PEPD: variants seen among roughly 807,000 people sequenced by gnomAD.
The protein encoded by PEPD is peptidase D.
A neutral mutation model predicts 60.7 loss-of-function variants in PEPD; 53 were observed. The ratio of observed to expected loss-of-function variants is 0.87; its 90% CI spans 0.70 to 1.10. The LOEUF (loss-of-function observed/expected upper bound fraction) is 1.10. PEPD is among the 50% of genes least tolerant of loss of function. The pLI is 0.00. For missense variants in PEPD, 711 were observed against 711.9 expected, an observed-to-expected ratio of 1.00 and a Z score of 0.01; for synonymous variants, 267 against 284.1, an observed-to-expected ratio of 0.94 and a Z score of 0.60.
intron 9 of PEPD, among the ~76,000 whole-genome samples, chr19:33,460,203 CTT>C (rs1969900698): frequency 6.6e-6 from 1 of 152,202 alleles, no homozygotes; most frequent in African/African-American, 2.4e-5. Flanking sequence ...CTTTTCTTCT[CTT>C]TTCCACCCAC....
At position 33,391,462 on chromosome 19, in the gene PEPD, T is replaced by C. The variant is rs563348250; in HGVS notation, c.985A>G (p.Met329Val). 151 of 1,551,434 alleles carry C rather than the reference T, an allele frequency of 9.7e-5. No individual in the cohort carries two copies. The South Asian group carries it at 1.4e-3, about 14-fold the overall frequency. ...TGGATGCGGTCAGCCAGGCGGTGCA[T>C]GTCAGGCCACCAGACACCTGTGGGC... ...AMKPGVWWPD[M>V]HRLADRIHLE... The change falls in exon 13 of 15, where the codon ATG becomes GTG. Residue 329 changes from methionine to valine, a missense_variant. Coordinates refer to ENST00000244137, the MANE Select transcript of PEPD (RefSeq NM_000285.4).
At chr19:33,461,113 T>C (rs1302060465) in intron 9 of PEPD, among the ~76,000 whole-genome samples, 2 of 152,150 alleles carry the variant, frequency 1.3e-5, no homozygotes, top group Non-Finnish European at 2.9e-5. Flanking sequence ...GATATTGGCA[T>C]GGTGGTTATG....
chr19:33,463,922 C>A (rs1450347802), intron 8 of PEPD, 65 bp downstream of exon 8: 1 of 1,070,924 alleles, frequency 9.3e-7, no homozygotes. Context: ...TTCATCCTCA[C>A]GCAGTTCTCT....
chr19:33,395,902 C>T, intron 12 of PEPD, among the ~76,000 whole-genome samples: 1 of 152,166 alleles, frequency 6.6e-6, no homozygotes, highest in East Asian at 1.9e-4. Context: ...GGCTGAGGAC[C>T]TCCAGCTCAC....
At chr19:33,406,041 A>C (rs1968615729) in intron 11 of PEPD, among the ~76,000 whole-genome samples, 1 of 152,222 alleles carries the variant, frequency 6.6e-6, no homozygotes, top group Admixed American at 6.5e-5. Context: ...CCCGGGTCCC[A>C]GAAGAGCACT....
chr19:33,518,600 C>T (rs1479917928), intron 1 of PEPD, among the ~76,000 whole-genome samples: 2 of 152,156 alleles, frequency 1.3e-5, no homozygotes, highest in Non-Finnish European at 2.9e-5. Context: ...GTCCCCATTC[C>T]CCACCATGAC....
chr19:33,481,069 G>T (rs1368929818), intron 6 of PEPD, among the ~76,000 whole-genome samples: 1 of 152,044 alleles, frequency 6.6e-6, no homozygotes, highest in East Asian at 1.9e-4. Flanking sequence ...TGACAAATAT[G>T]TAGAAATTAA....
intron 9 of PEPD, among the ~76,000 whole-genome samples, chr19:33,420,423 C>T (rs1968987490): frequency 6.6e-6 from 1 of 152,138 alleles, no homozygotes; most frequent in East Asian, 1.9e-4. Flanking sequence ...TTAGCTGTGG[C>T]CGGGCGTGGT....
chr19:33,520,522 C>A (rs558479912), intron 1 of PEPD, among the ~76,000 whole-genome samples: 6 of 152,334 alleles, frequency 3.9e-5, no homozygotes, highest in Admixed American at 3.9e-4. Flanking sequence ...ATGACAGAGT[C>A]CCATGTGTCC....
At chr19:33,403,838 G>C (rs1968556422) in intron 11 of PEPD, among the ~76,000 whole-genome samples, 1 of 152,232 alleles carries the variant, frequency 6.6e-6, no homozygotes. Flanking sequence ...TCTCAGGCTG[G>C]GGGGAGGAGC....
intron 9 of PEPD, among the ~76,000 whole-genome samples, chr19:33,439,207 C>A (rs1027651237): frequency 6.6e-6 from 1 of 152,230 alleles, no homozygotes; most frequent in Non-Finnish European, 1.5e-5. Flanking sequence ...GCTCCCATAA[C>A]CTGGGCACAT....
chr19:33,517,954 C>CA (rs74174669), intron 1 of PEPD, among the ~76,000 whole-genome samples: 18,252 of 119,488 alleles, frequency 0.15, 1,384 homozygotes, highest in Non-Finnish European at 0.2. Context: ...GACTCCCTCT[C>CA]AAAAAAAAAA....
At chr19:33,497,382 G>A (rs1040685543) in intron 4 of PEPD, among the ~76,000 whole-genome samples, 4 of 152,240 alleles carry the variant, frequency 2.6e-5, no homozygotes, top group Admixed American at 6.5e-5. Flanking sequence ...CGGTGATCCC[G>A]CCAGCCTTTG....
intron 11 of PEPD, among the ~76,000 whole-genome samples, chr19:33,411,208 A>C (rs993161410): frequency 2.2e-4 from 33 of 152,284 alleles, no homozygotes; most frequent in Non-Finnish European, 3.5e-4. Flanking sequence ...GCAGGGCCGC[A>C]GAGGCCACGG....
At chr19:33,434,932 G>A (rs1333900845) in intron 9 of PEPD, among the ~76,000 whole-genome samples, 3 of 152,074 alleles carry the variant, frequency 2.0e-5, no homozygotes, top group African/African-American at 4.8e-5. Context: ...GGGTGGAGGG[G>A]GCAGGTACAA....
At chr19:33,510,487 G>A (rs1173063129) in intron 3 of PEPD, among the ~76,000 whole-genome samples, 1 of 152,218 alleles carries the variant, frequency 6.6e-6, no homozygotes, top group African/African-American at 2.4e-5. Flanking sequence ...GACCACGCAT[G>A]TTATTCACAT....
intron 3 of PEPD, among the ~76,000 whole-genome samples, chr19:33,505,848 CAT>C (rs1278100422): frequency 7.5e-6 from 1 of 133,872 alleles, no homozygotes; most frequent in Admixed American, 7.3e-5. Flanking sequence ...CACAACACAG[CAT>C]ACTCACACCC....
intron 5 of PEPD, 85 bp downstream of exon 5, chr19:33,493,205 G>T (rs909365380): frequency 1.0e-6 from 1 of 967,354 alleles, no homozygotes; most frequent in Non-Finnish European, 1.7e-6. Flanking sequence ...TCCCCTATGG[G>T]CCCGACCTCT....
intron 9 of PEPD, among the ~76,000 whole-genome samples, chr19:33,456,443 G>A (rs1414636560): frequency 6.6e-6 from 1 of 152,192 alleles, no homozygotes; most frequent in African/African-American, 2.4e-5. Flanking sequence ...ACACGCAGAT[G>A]GTGTTTCCTG....
Sources: gnomAD v4.1 joint callset for allele counts (sites outside exome capture counted in the v4.1 genomes callset) on GRCh38, gnomAD v4.1.1 for gene constraint, MANE v1.5 for transcripts, NCBI Gene and HGNC (gene_info 2026-07-23, HGNC 2026-07-21) for gene names.